The following CD2 variants were observed in gnomAD, a reference collection of about 807,000 sequenced individuals.
CD2 encodes the protein CD2 molecule.
Under a neutral mutation model 23.2 loss-of-function variants are expected in CD2, and 18 were observed. That is an observed-to-expected ratio of 0.77 (90% CI 0.54 to 1.15). The LOEUF is 1.15. Ranked by LOEUF, CD2 falls within the 50% of genes most tolerant of loss-of-function variation. The pLI, the probability that CD2 is intolerant of heterozygous loss-of-function variation, is 0.00. For synonymous variants in CD2, 162 were observed against 151.9 expected, an observed-to-expected ratio of 1.07 and a Z score of -0.49; for missense variants, 424 against 423.1, an observed-to-expected ratio of 1.00 and a Z score of -0.02.
intron 3 of CD2, 141 bp from the exon 4 acceptor site, chr1:116,764,343 T>G (rs965553994): frequency 1.5e-6 from 2 of 1,339,466 alleles, no homozygotes; most frequent in Non-Finnish European, 2.0e-6. Context: ...CTCACCACCC[T>G]CTGTGAGCCT....
At chr1:116,768,443 A>G (rs1157783246) in intron 4 of CD2, 21 bp from the exon 5 acceptor site, 14 of 1,609,074 alleles carry the variant, frequency 8.7e-6, no homozygotes, top group East Asian at 2.2e-5. Flanking sequence ...GATGAACTCT[A>G]TTGAGGTTTT....
In CD2 at chr1:116,764,666, A is replaced by T. The variant is rs761095734; in HGVS notation, c.736+60A>T. ...CAGCAAAATCCCCATGAAACAGCTC[A>T]TGGGGATGACACCTTGAATCTGCAG... is the stretch of plus-strand genomic sequence containing the variant. On this transcript the variant is annotated intron_variant, in intron 4 of 4. Transcript: ENST00000369478. The T allele has an allele frequency of 4.8e-6, 6 of 1,255,746 alleles. No homozygotes were observed. The Admixed American group carries it at 8.5e-5, about 18-fold the overall frequency. The allele number at this position is 1,255,746 out of a possible 1,614,324, so 77.8% of individuals were successfully genotyped here. A position where few individuals can be genotyped will look rare whatever the true frequency, so the allele number is the denominator to read the frequency against.
chr1:116,761,138 G>C (rs1399936054), intron 3 of CD2, among the ~76,000 whole-genome samples: 4 of 152,196 alleles, frequency 2.6e-5, no homozygotes, highest in Non-Finnish European at 5.9e-5. Context: ...TGGACAGCAA[G>C]GCAACACTCC....
At chr1:116,759,653 C>T (rs1006824241) in intron 2 of CD2, among the ~76,000 whole-genome samples, 8 of 152,172 alleles carry the variant, frequency 5.3e-5, no homozygotes, top group Middle Eastern at 3.2e-3. Flanking sequence ...ACATGTTGCT[C>T]CTTTTGTGAC....
intron 3 of CD2, among the ~76,000 whole-genome samples, chr1:116,762,518 G>A (rs994554905): frequency 1.1e-4 from 16 of 152,144 alleles, no homozygotes; most frequent in African/African-American, 2.2e-4. Context: ...TTGAAGACCC[G>A]AAAAGGGATT....
intron 4 of CD2, among the ~76,000 whole-genome samples, chr1:116,765,726 C>T (rs1196278694): frequency 6.6e-6 from 1 of 152,226 alleles, no homozygotes; most frequent in Non-Finnish European, 1.5e-5. Flanking sequence ...TCTCCATGCT[C>T]CTCTCCATGC....
At chr1:116,764,685 T>C in intron 4 of CD2, 79 bp downstream of exon 4, 1 of 1,043,638 alleles carries the variant, frequency 9.6e-7, no homozygotes, top group Non-Finnish European at 1.5e-6. Context: ...ACACCTTGAA[T>C]CTGCAGAGAA....
Position 116,760,358 on chromosome 1 carries a change from C to T in CD2, c.383-44C>T, listed in dbSNP as rs768948538. The T allele has an allele frequency of 5.3e-6, 8 of 1,515,590 alleles. No homozygotes were observed. In the Admixed American group the frequency reaches 6.8e-5, roughly 13 times the overall value. The allele number at this position is 1,515,590 out of a possible 1,614,324, so 93.9% of individuals were successfully genotyped here. ...TATAAATAGATATGTTTATTAAAATCAGAAAATTGCCTAAATTGAACTGAA... is the reference window on the plus strand; with the variant it reads ...TATAAATAGATATGTTTATTAAAATTAGAAAATTGCCTAAATTGAACTGAA... On this transcript the variant is annotated intron_variant, in intron 2 of 4. Transcript: ENST00000369478.
intron 3 of CD2, among the ~76,000 whole-genome samples, chr1:116,763,128 G>T (rs757213244): frequency 3.9e-5 from 6 of 152,224 alleles, no homozygotes; most frequent in Non-Finnish European, 8.8e-5. Context: ...CAATTTCAAT[G>T]GTTTAAGATT....
chr1:116,759,636 C>T (rs1651970289), intron 2 of CD2, among the ~76,000 whole-genome samples: 1 of 152,184 alleles, frequency 6.6e-6, no homozygotes. Flanking sequence ...CTGCCCAGGG[C>T]TTTGCCACAT....
Position 116,764,517 on chromosome 1 carries a change from T to C in CD2, c.647T>C (p.Ile216Thr), listed in dbSNP as rs1456888943. The change falls in exon 4 of 5, where the codon ATA becomes ACA. Residue 216 changes from isoleucine (I) to threonine (T), a missense_variant. By Grantham distance (89) the Ile-to-Thr change is moderately conservative. Transcript: ENST00000369478. ...KGLDIYLIIG[I>T]CGGGSLLMVF... ...CTGGACATCTATCTCATCATTGGCATATGTGGAGGAGGCAGCCTCTTGATG... is the reference window on the plus strand; with the variant it reads ...CTGGACATCTATCTCATCATTGGCACATGTGGAGGAGGCAGCCTCTTGATG... 6.2e-7 allele frequency: 1 copy of C among 1,613,950 alleles called. No homozygotes were observed. The highest frequency in any genetic ancestry group is 8.5e-7 in the Non-Finnish European group (1 of 1,179,898).
At chr1:116,765,862 TA>T (rs1011102130) in intron 4 of CD2, among the ~76,000 whole-genome samples, 2 of 152,234 alleles carry the variant, frequency 1.3e-5, no homozygotes, top group African/African-American at 4.8e-5. Context: ...CTCATGCTGA[TA>T]AAAAAGTCGT....
rs935663572 is a variant in CD2, at chr1:116,768,851, G to T, written c.*68G>T. 1 of 1,434,106 alleles carries T rather than the reference G, an allele frequency of 7.0e-7. No individual in the cohort carries two copies. 88.8% of individuals were successfully genotyped at this position (1,434,106 alleles called of 1,614,324 possible). On this transcript the variant is annotated 3_prime_UTR_variant, in exon 5 of 5. Transcript: ENST00000369478. The stretch of plus-strand genomic sequence containing the variant: ...TTCTGCCCTCCTGATGTGCATATCC[G>T]TACTTCCATGAGGTGTTTTCTGTGT...
intron 2 of CD2, among the ~76,000 whole-genome samples, chr1:116,755,527 T>TGC (rs1370346753): frequency 2.6e-5 from 4 of 152,228 alleles, no homozygotes; most frequent in Non-Finnish European, 4.4e-5. Context: ...TGTGGCTTTG[T>TGC]ATATCTCTGC....
chr1:116,768,322 T>G, intron 4 of CD2, 142 bp from the exon 5 acceptor site: 1 of 710,434 alleles, frequency 1.4e-6, no homozygotes. Flanking sequence ...AGCTTAGAGT[T>G]CTCAGATAGT....
intron 3 of CD2, among the ~76,000 whole-genome samples, chr1:116,764,072 A>G (rs1277724547): frequency 1.3e-5 from 2 of 151,944 alleles, no homozygotes; most frequent in Non-Finnish European, 2.9e-5. Context: ...CTTAAGGGAA[A>G]TGCTCAGGAA....
At chr1:116,765,621 G>A (rs542122368) in intron 4 of CD2, among the ~76,000 whole-genome samples, 2 of 152,082 alleles carry the variant, frequency 1.3e-5, no homozygotes, top group Non-Finnish European at 1.5e-5. Context: ...TTCCCACCAC[G>A]ACTGTCCCAC....
intron 2 of CD2, among the ~76,000 whole-genome samples, chr1:116,755,716 C>G (rs1022069172): frequency 6.6e-6 from 1 of 151,970 alleles, no homozygotes; most frequent in South Asian, 2.1e-4. Flanking sequence ...CAAAGTCAAT[C>G]GCCACTGGCC....
chr1:116,763,574 T>C lies in CD2; in HGVS notation c.614-910T>C, dbSNP rs951959533. 2.0e-5 allele frequency among the ~76,000 whole-genome samples: 3 copies of C among 152,208 alleles called. No individual in the cohort carries two copies. In the South Asian group the frequency reaches 6.2e-4, roughly 32 times the overall value. The stretch of plus-strand genomic sequence containing the variant: ...ACACTAGTAAGAGCAAGACCTCACA[T>C]TTGTGTTGTTTTACAGTTTACAAAG... On this transcript the variant is annotated intron_variant, in intron 3 of 4. Coordinates refer to ENST00000369478, the MANE Select transcript of CD2 (RefSeq NM_001767.5).
Sources: gnomAD v4.1 joint callset for allele counts (sites outside exome capture counted in the v4.1 genomes callset) on GRCh38, gnomAD v4.1.1 for gene constraint, MANE v1.5 for transcripts, NCBI Gene and HGNC (gene_info 2026-07-23, HGNC 2026-07-21) for gene names.